The following FBXL20 variants were observed in gnomAD, a reference collection of about 807,000 sequenced individuals.
The protein encoded by FBXL20 is F-box and leucine rich repeat protein 20, also known as F-box/LRR-repeat protein 20.
FBXL20 carries 11 observed loss-of-function variants against 64.0 expected under a neutral mutation model. The ratio of observed to expected loss-of-function variants is 0.17; its 90% confidence interval spans 0.11 to 0.28. FBXL20 has a LOEUF of 0.28. Ranked by LOEUF, FBXL20 falls within the 10% of genes least tolerant of loss-of-function variation. The pLI, the probability that FBXL20 is intolerant of heterozygous loss-of-function variation, is 1.00. For missense variants in FBXL20, 303 were observed against 526.2 expected, an observed-to-expected ratio of 0.58 and a Z score of 4.15; for synonymous variants, 184 against 189.0, an observed-to-expected ratio of 0.97 and a Z score of 0.22.
At chr17:39,328,373 A>C (rs2047429596) in intron 2 of FBXL20, among the ~76,000 whole-genome samples, 1 of 152,024 alleles carries the variant, frequency 6.6e-6, no homozygotes, top group South Asian at 2.1e-4. Context: ...GAGGTGTAAG[A>C]AGGGTCTGAA....
rs150646190 is a variant in FBXL20, at chr17:39,275,913, A to G, written c.697-813T>C. Among the ~76,000 whole-genome samples, 207 of 152,260 alleles carry G rather than the reference A, an allele frequency of 1.4e-3. 1 individual carries two copies. The highest frequency in any genetic ancestry group is 6.8e-3 in the Middle Eastern group (2 of 294). ...ATAAAGAACATCCTAATTTATAGAT[A>G]AAAGAGTTGTATCTAACTCAGACAC... On this transcript the variant is annotated intron_variant, in intron 9 of 14. Transcript: ENST00000264658.
intron 6 of FBXL20, among the ~76,000 whole-genome samples, chr17:39,286,120 T>C (rs534382414): frequency 3.4e-4 from 52 of 152,338 alleles, no homozygotes; most frequent in African/African-American, 1.2e-3. Flanking sequence ...CAAGTTCTCA[T>C]TTTAATATTT....
At chr17:39,380,518 T>C (rs944960258) in intron 1 of FBXL20, among the ~76,000 whole-genome samples, 2 of 152,206 alleles carry the variant, frequency 1.3e-5, no homozygotes, top group Non-Finnish European at 2.9e-5. Flanking sequence ...CCTTGCTTTA[T>C]TTCATTAACT....
chr17:39,304,815 C>T (rs2047167438), intron 2 of FBXL20, among the ~76,000 whole-genome samples: 1 of 151,768 alleles, frequency 6.6e-6, no homozygotes, highest in African/African-American at 2.4e-5. Flanking sequence ...AGAGACTCAC[C>T]CGGCTGTCCA....
At chr17:39,398,127 C>T (rs1460720684) in intron 1 of FBXL20, among the ~76,000 whole-genome samples, 1 of 132,304 alleles carries the variant, frequency 7.6e-6, no homozygotes, top group Non-Finnish European at 1.6e-5. Context: ...ACTAAAAATA[C>T]AAAAATTAGC....
At chr17:39,276,984 C>T (rs950990076) in intron 9 of FBXL20, among the ~76,000 whole-genome samples, 2 of 152,192 alleles carry the variant, frequency 1.3e-5, no homozygotes, top group African/African-American at 4.8e-5. Flanking sequence ...ATACTATCAA[C>T]TCTTCAATTT....
rs527605458 is a variant in FBXL20, at chr17:39,274,921, A to C, written c.827+49T>G. 9.9e-6 allele frequency: 16 copies of C among 1,608,502 alleles called. No individual in the cohort carries two copies. The South Asian group carries it at 1.5e-4, about 15-fold the overall frequency. ...AGTTCCAAGGAAGAAATATGGGTGA[A>C]GGAAACTTTTGTTCTATGATTTTTT... On this transcript the variant is annotated intron_variant, in intron 10 of 14. Coordinates refer to ENST00000264658, the MANE Select transcript of FBXL20 (RefSeq NM_032875.3).
Position 39,351,634 on chromosome 17 carries a change from T to G in FBXL20, c.43-8393A>C, listed in dbSNP as rs189244012. Among the ~76,000 whole-genome samples, 296 of 152,300 alleles carry G rather than the reference T, an allele frequency of 1.9e-3. 1 individual carries two copies. Among genetic ancestry groups the G allele is most frequent in the Middle Eastern group, 6.8e-3 (2 of 294 alleles). On this transcript the variant is annotated intron_variant, in intron 1 of 14. Transcript: ENST00000264658. Reference sequence around the variant, plus strand: ...ATAACAGTTGTAGAGGAAATAACTATTCAAATGTTTAACATTCTTAGGTAA... The same window carrying G: ...ATAACAGTTGTAGAGGAAATAACTAGTCAAATGTTTAACATTCTTAGGTAA...
rs756079146 is a variant in FBXL20, at chr17:39,301,004, A to G, written c.231T>C (p.Ile77=). Residue 77 remains isoleucine (I), a synonymous_variant, in exon 4 of 15, where the codon ATT becomes ATC. Coordinates refer to ENST00000264658, the MANE Select transcript of FBXL20 (RefSeq NM_032875.3). ...RIDLFDFQRD[I]EGRVVENISK... Reference sequence around the variant, plus strand: ...GCCACACACCACATAATTATACCTCAATATCCCTCTGGAAATCAAATAGGT... The same window carrying G: ...GCCACACACCACATAATTATACCTCGATATCCCTCTGGAAATCAAATAGGT... 2 of 1,613,902 alleles carry G rather than the reference A, an allele frequency of 1.2e-6. No homozygotes were observed.
chr17:39,303,672 TG>T, intron 2 of FBXL20, 33 bp from the exon 3 acceptor site: 1 of 1,572,408 alleles, frequency 6.4e-7, no homozygotes. Context: ...CAAATTTTAT[TG>T]TATGATAAAG....
At chr17:39,272,714 A>G (rs1206473742) in intron 10 of FBXL20, among the ~76,000 whole-genome samples, 1 of 138,678 alleles carries the variant, frequency 7.2e-6, no homozygotes, top group Non-Finnish European at 1.5e-5. Context: ...AAAAAAAAAA[A>G]AAAAAAAGAA....
intron 1 of FBXL20, among the ~76,000 whole-genome samples, chr17:39,386,023 T>TAAA (rs2048075451): frequency 2.2e-5 from 1 of 45,880 alleles, no homozygotes; most frequent in African/African-American, 1.4e-4. Flanking sequence ...AGATTCCGTC[T>TAAA]CAAAAAAAAA....
chr17:39,269,787 C>A (rs138083451), intron 11 of FBXL20, among the ~76,000 whole-genome samples: 50 of 152,160 alleles, frequency 3.3e-4, no homozygotes, highest in Non-Finnish European at 6.2e-4. Flanking sequence ...CATGAGCCAC[C>A]GCGCCCGGCC....
intron 9 of FBXL20, among the ~76,000 whole-genome samples, chr17:39,279,540 A>G (rs1177358383): frequency 6.6e-6 from 1 of 151,110 alleles, no homozygotes; most frequent in Non-Finnish European, 1.5e-5. Context: ...TTTCTTTGCC[A>G]TGAGCAACTC....
intron 1 of FBXL20, among the ~76,000 whole-genome samples, chr17:39,369,981 T>A (rs980463062): frequency 3.3e-5 from 5 of 151,866 alleles, no homozygotes; most frequent in African/African-American, 1.2e-4. Flanking sequence ...ACACCTGTAG[T>A]CCCAGCAGTT....
chr17:39,334,254 A>G (rs2047497378), intron 2 of FBXL20, among the ~76,000 whole-genome samples: 1 of 152,120 alleles, frequency 6.6e-6, no homozygotes, highest in African/African-American at 2.4e-5. Context: ...GCTTTGTTAA[A>G]CAGATGCTTG....
intron 1 of FBXL20, among the ~76,000 whole-genome samples, chr17:39,385,763 G>A (rs2048072110): frequency 6.6e-6 from 1 of 152,288 alleles, no homozygotes; most frequent in Non-Finnish European, 1.5e-5. Context: ...CAGGCGAGGT[G>A]GCTCACGCCT....
At chr17:39,321,671 T>C (rs1597796680) in intron 2 of FBXL20, among the ~76,000 whole-genome samples, 1 of 149,808 alleles carries the variant, frequency 6.7e-6, no homozygotes, top group South Asian at 2.1e-4. Context: ...TCCCAGCTAC[T>C]TGGGAGGCTG....
chr17:39,289,871 T>TG (rs2047021559), intron 6 of FBXL20, among the ~76,000 whole-genome samples: 1 of 151,606 alleles, frequency 6.6e-6, no homozygotes, highest in South Asian at 2.1e-4. Context: ...TGGTGGCAAG[T>TG]GCCTGTAATC....
Sources: allele counts gnomAD v4.1 joint callset (sites outside exome capture counted in the v4.1 genomes callset), GRCh38; gene constraint gnomAD v4.1.1; transcripts MANE v1.5; gene names NCBI Gene and HGNC (gene_info 2026-07-23, HGNC 2026-07-21).